GRID2: variants seen among roughly 807,000 people sequenced by gnomAD.
GRID2 encodes the protein glutamate ionotropic receptor delta type subunit 2.
A neutral mutation model predicts 114.8 loss-of-function variants in GRID2; 33 were observed. That is an observed-to-expected ratio of 0.29 (90% CI 0.22 to 0.38). GRID2 has a LOEUF of 0.38. GRID2 is among the 10% of genes least tolerant of loss of function. GRID2 has a pLI of 1.00. For synonymous variants in GRID2, 505 were observed against 449.9 expected (o/e 1.12, Z -1.55); for missense variants, 1,184 against 1,257.7 (o/e 0.94, Z 0.89).
At chr4:92,944,712 T>C (rs1751483124) in intron 2 of GRID2, among the ~76,000 whole-genome samples, 1 of 152,228 alleles carries the variant, frequency 6.6e-6, no homozygotes, top group Non-Finnish European at 1.5e-5. Context: ...TCTAACATAT[T>C]AGAATCTATT....
rs148737689 is a variant in GRID2 at position 92,381,630 on chromosome 4, A to G, written c.88+76886A>G. Among the ~76,000 whole-genome samples the G allele has an allele frequency of 1.6e-4, 25 of 152,186 alleles. No homozygotes were observed. The East Asian group carries it at 4.4e-3, about 27-fold the overall frequency. On this transcript the variant is annotated intron_variant, in intron 1 of 15. Coordinates refer to ENST00000282020, the MANE Select transcript of GRID2 (RefSeq NM_001510.4). ...CAGCACACTTTTTCACCACAATGTAAAAGTTTCTCTTTTCTAATGCATTCT... is the reference window on the plus strand; with the variant it reads ...CAGCACACTTTTTCACCACAATGTAGAAGTTTCTCTTTTCTAATGCATTCT...
chr4:92,617,010 G>T (rs997771199), intron 2 of GRID2, among the ~76,000 whole-genome samples: 1 of 151,378 alleles, frequency 6.6e-6, no homozygotes, highest in African/African-American at 2.4e-5. Flanking sequence ...ATAGATCAGG[G>T]TGATTAGCAT....
chr4:93,791,839 T>C (rs1269875010), intron 1 of GRID2, among the ~76,000 whole-genome samples: 2 of 152,208 alleles, frequency 1.3e-5, no homozygotes, highest in African/African-American at 4.8e-5. Flanking sequence ...CTGTTTTCTG[T>C]GAGCAAACAG....
chr4:92,831,590 A>G (rs766131323), intron 2 of GRID2, among the ~76,000 whole-genome samples: 2 of 151,582 alleles, frequency 1.3e-5, no homozygotes, highest in Non-Finnish European at 2.9e-5. Flanking sequence ...ATGGTGGCTC[A>G]TGCCTGTAAT....
chr4:92,769,965 C>T (rs1201772059), intron 2 of GRID2, among the ~76,000 whole-genome samples: 1 of 152,150 alleles, frequency 6.6e-6, no homozygotes, highest in Non-Finnish European at 1.5e-5. Flanking sequence ...ATTTCTGCAG[C>T]TGGCTTGAAT....
chr4:93,112,939 T>C (rs1732907310), intron 4 of GRID2, among the ~76,000 whole-genome samples: 1 of 152,202 alleles, frequency 6.6e-6, no homozygotes, highest in African/African-American at 2.4e-5. Flanking sequence ...TAATTTTAAT[T>C]TGATTACCTC....
chr4:93,262,727 T>C (rs997485005), intron 8 of GRID2, among the ~76,000 whole-genome samples: 3 of 151,990 alleles, frequency 2.0e-5, no homozygotes, highest in African/African-American at 7.2e-5. Context: ...ATTTTAATGT[T>C]ATCATTTAAC....
chr4:93,487,892 T>C (rs372909253), intron 11 of GRID2, among the ~76,000 whole-genome samples: 3 of 152,094 alleles, frequency 2.0e-5, no homozygotes, highest in East Asian at 1.9e-4. Flanking sequence ...ATTACCAAAA[T>C]TGGAAGTCAA....
intron 2 of GRID2, among the ~76,000 whole-genome samples, chr4:92,664,979 T>G (rs1485600648): frequency 1.3e-5 from 2 of 149,610 alleles, no homozygotes; most frequent in African/African-American, 4.9e-5. Flanking sequence ...AAGTCCACTC[T>G]GCCATTCTTT....
rs201251635 is a variant in GRID2, at chr4:92,724,866, ATAAGT to A, written c.244+134583_244+134587del. On this transcript the variant is annotated intron_variant, in intron 2 of 15. Transcript: ENST00000282020. Reference sequence around the variant, plus strand: ...CATGATTCTAGAATGAAATTTTAAAATAAGTTATAGAATTTGAAGAACAAAGTTTT... The same window carrying A: ...CATGATTCTAGAATGAAATTTTAAAATATAGAATTTGAAGAACAAAGTTTT... Among the ~76,000 whole-genome samples, 1,017 of 152,318 alleles carry A rather than the reference ATAAGT, an allele frequency of 6.7e-3. 4 individuals carry two copies. The highest frequency in any genetic ancestry group is 0.011 in the Non-Finnish European group (776 of 68,028).
chr4:93,771,291 T>C (rs1352603035), intron 15 of GRID2, among the ~76,000 whole-genome samples: 1 of 152,218 alleles, frequency 6.6e-6, no homozygotes, highest in Non-Finnish European at 1.5e-5. Flanking sequence ...TATTTTTGTT[T>C]ATTAACTGCC....
At position 93,404,194 on chromosome 4, in the gene GRID2, G is replaced by A. The variant is rs912025808; in HGVS notation, c.1347+8486G>A. Among the ~76,000 whole-genome samples the A allele has an allele frequency of 5.9e-5, 9 of 152,008 alleles. No individual in the cohort carries two copies. The South Asian group carries it at 1.5e-3, about 25-fold the overall frequency. On this transcript the variant is annotated intron_variant, in intron 9 of 15. Coordinates refer to ENST00000282020, the MANE Select transcript of GRID2 (RefSeq NM_001510.4). Reference sequence around the variant, plus strand: ...AGACAAATCTATAGGGACTCACAGGGGCAAAAAGTAATTCGTGATTGCCTA... The same window carrying A: ...AGACAAATCTATAGGGACTCACAGGAGCAAAAAGTAATTCGTGATTGCCTA...
At chr4:92,700,631 C>T (rs1467245319) in intron 2 of GRID2, among the ~76,000 whole-genome samples, 2 of 152,108 alleles carry the variant, frequency 1.3e-5, no homozygotes, top group African/African-American at 4.8e-5. Flanking sequence ...AGGGAAGACA[C>T]GGGTTTAAGG....
In GRID2 at chr4:92,934,924, C is replaced by T. The variant is rs1452091304; in HGVS notation, c.245-150071C>T. On this transcript the variant is annotated intron_variant, in intron 2 of 15. Coordinates refer to ENST00000282020, the MANE Select transcript of GRID2 (RefSeq NM_001510.4). ...AAAGACTTAAACGTTCGACCTAAAACCATAAAAACCCTAGAAGAAAACCTA... is the reference window on the plus strand; with the variant it reads ...AAAGACTTAAACGTTCGACCTAAAATCATAAAAACCCTAGAAGAAAACCTA... 2.7e-5 allele frequency among the ~76,000 whole-genome samples: 4 copies of T among 146,596 alleles called. 1 individual carries two copies. Among genetic ancestry groups the T allele is most frequent in the Non-Finnish European group, 6.0e-5 (4 of 66,256 alleles).
intron 2 of GRID2, among the ~76,000 whole-genome samples, chr4:92,896,203 GAGAAAGCCT>G (rs1414169520): frequency 6.6e-6 from 1 of 152,164 alleles, no homozygotes; most frequent in African/African-American, 2.4e-5. Context: ...TCTGATTTCT[GAGAAAGCCT>G]AGAAGAGCCC....
At chr4:93,711,408 G>A (rs1292331640) in intron 14 of GRID2, among the ~76,000 whole-genome samples, 1 of 152,040 alleles carries the variant, frequency 6.6e-6, no homozygotes, top group Admixed American at 6.6e-5. Flanking sequence ...TCAAGACTCC[G>A]TTTATGCTGT....
chr4:93,559,907 G>A (rs2149560495), intron 13 of GRID2, among the ~76,000 whole-genome samples: 1 of 152,130 alleles, frequency 6.6e-6, no homozygotes, highest in East Asian at 1.9e-4. Flanking sequence ...CCATAAAAAA[G>A]GATGAGTTCA....
chr4:92,864,410 G>T (rs1253557452), intron 2 of GRID2, among the ~76,000 whole-genome samples: 2 of 152,146 alleles, frequency 1.3e-5, no homozygotes, highest in African/African-American at 4.8e-5. Flanking sequence ...TACATGTGGT[G>T]TGGCCAAGAT....
chr4:92,569,630 C>T (rs1727511937), intron 1 of GRID2, among the ~76,000 whole-genome samples: 1 of 152,030 alleles, frequency 6.6e-6, no homozygotes, highest in African/African-American at 2.4e-5. Flanking sequence ...ACCTTGCCAG[C>T]ATCTGTTGTT....
Sources: gnomAD v4.1 joint callset for allele counts (sites outside exome capture counted in the v4.1 genomes callset) on GRCh38, gnomAD v4.1.1 for gene constraint, MANE v1.5 for transcripts, NCBI Gene and HGNC (gene_info 2026-07-23, HGNC 2026-07-21) for gene names.